DCDC1: variants seen among roughly 807,000 people sequenced by gnomAD.
DCDC1 encodes the protein doublecortin domain-containing protein 1.
In DCDC1, 200 loss-of-function variants were observed where a neutral mutation model predicts 178.3. That is an observed-to-expected ratio of 1.12 (90% CI 1.00 to 1.26). The LOEUF (loss-of-function observed/expected upper bound fraction) is 1.26. Among genes scored for constraint, DCDC1 ranks in the 50% most tolerant of loss-of-function variants. The probability of loss-of-function intolerance (pLI) is 0.00; values close to 1 mark genes in which losing one functional copy is unlikely to be tolerated. For synonymous variants in DCDC1, 690 were observed against 604.8 expected (o/e 1.14, Z -2.07); for missense variants, 1,983 against 1,749.2 (o/e 1.13, Z -2.38).
At chr11:31,346,852 G>C (rs1381492811) in intron 1 of DCDC1, among the ~76,000 whole-genome samples, 4 of 152,098 alleles carry the variant, frequency 2.6e-5, no homozygotes, top group Non-Finnish European at 4.4e-5. Context: ...TTTTCCTCTT[G>C]TATGTGTTTG....
Position 31,064,464 on chromosome 11 carries a change from C to T in DCDC1, c.2591+5G>A. The T allele has an allele frequency of 1.3e-6, 1 of 763,804 alleles. No individual in the cohort carries two copies. Among genetic ancestry groups the T allele is most frequent in the Non-Finnish European group, 2.4e-6 (1 of 416,364 alleles). The allele number at this position is 763,804 out of a possible 1,614,324, so 47.3% of individuals were successfully genotyped here. Reference sequence around the variant, plus strand: ...CAATAAAGCTCAGTTCTGTCAGTACCCTACCTCTGAGCAGAAGCCTTAGGA... The same window carrying T: ...CAATAAAGCTCAGTTCTGTCAGTACTCTACCTCTGAGCAGAAGCCTTAGGA... On this transcript the variant is annotated splice_donor_5th_base_variant and intron_variant, in intron 20 of 38. Transcript: ENST00000684477.
intron 9 of DCDC1, among the ~76,000 whole-genome samples, chr11:31,152,227 CTT>C (rs1028970487): frequency 2.0e-5 from 3 of 152,304 alleles, no homozygotes; most frequent in Non-Finnish European, 4.4e-5. Flanking sequence ...AGCACACTGT[CTT>C]TTTATTTTCG....
intron 20 of DCDC1, among the ~76,000 whole-genome samples, chr11:31,013,420 G>A (rs1952289595): frequency 6.6e-6 from 1 of 152,222 alleles, no homozygotes; most frequent in Non-Finnish European, 1.5e-5. Context: ...AACGCAACAT[G>A]TCTACACATG....
intron 9 of DCDC1, among the ~76,000 whole-genome samples, chr11:31,169,415 A>G (rs1966934339): frequency 6.6e-6 from 1 of 152,216 alleles, no homozygotes; most frequent in African/African-American, 2.4e-5. Flanking sequence ...GGGGATATAG[A>G]TTCAGATTAG....
rs1450881385 is a variant in DCDC1 at position 30,865,340 on chromosome 11, G to A, written c.*41-8C>T. 1 of 152,116 alleles carries A rather than the reference G, an allele frequency of 6.6e-6. No individual in the cohort carries two copies. The highest frequency in any genetic ancestry group is 1.5e-5 in the Non-Finnish European group (1 of 68,018). The allele number at this position is 152,116 out of a possible 1,614,324, so 9.4% of individuals were successfully genotyped here. On this transcript the variant is annotated splice_polypyrimidine_tract_variant and splice_region_variant and intron_variant, in intron 38 of 38. Coordinates refer to ENST00000684477, the MANE Select transcript of DCDC1 (RefSeq NM_001387274.1). ...TAAAGAAAGTTTTCTTTCCTGTAAG[G>A]TAGAGAGAGAAACAAATCTATATAT... is the stretch of plus-strand genomic sequence containing the variant.
chr11:31,056,847 C>T (rs1003357374), intron 20 of DCDC1, among the ~76,000 whole-genome samples: 3 of 152,092 alleles, frequency 2.0e-5, no homozygotes, highest in Admixed American at 2.0e-4. Context: ...CAGAACACTG[C>T]ACCCCCAAAC....
chr11:31,131,261 G>A (rs1962401320), intron 10 of DCDC1, among the ~76,000 whole-genome samples: 1 of 151,852 alleles, frequency 6.6e-6, no homozygotes, highest in Non-Finnish European at 1.5e-5. Flanking sequence ...ATTAAAGGGA[G>A]AAGGTGATTG....
chr11:31,305,544 T>A, intron 6 of DCDC1, 71 bp downstream of exon 6: 1 of 1,533,062 alleles, frequency 6.5e-7, no homozygotes, highest in Non-Finnish European at 8.8e-7. Flanking sequence ...AGGATGAAAA[T>A]CATTTTTTAA....
chr11:31,302,323 T>G (rs1180616360), intron 6 of DCDC1, among the ~76,000 whole-genome samples: 1 of 152,190 alleles, frequency 6.6e-6, no homozygotes, highest in Non-Finnish European at 1.5e-5. Flanking sequence ...GAATTTTCAC[T>G]GTGTCACAAT....
intron 27 of DCDC1, 40 bp from the exon 28 acceptor site, chr11:30,911,460 A>C: frequency 6.7e-7 from 1 of 1,494,416 alleles, no homozygotes; most frequent in Admixed American, 1.9e-5. Context: ...AAGTAGCATG[A>C]CCAGATTAGA....
intron 25 of DCDC1, 96 bp from the exon 26 acceptor site, chr11:30,917,124 G>A: frequency 8.3e-7 from 1 of 1,204,792 alleles, no homozygotes; most frequent in Non-Finnish European, 1.1e-6. Context: ...TCCACAGGAT[G>A]TTGGTGGATC....
At chr11:31,343,166 G>A (rs1006857503) in intron 1 of DCDC1, among the ~76,000 whole-genome samples, 1 of 152,094 alleles carries the variant, frequency 6.6e-6, no homozygotes, top group African/African-American at 2.4e-5. Context: ...TAGCTACTTG[G>A]TAGACTGAGG....
intron 10 of DCDC1, among the ~76,000 whole-genome samples, chr11:31,130,362 G>A (rs879265167): frequency 1.3e-5 from 2 of 152,196 alleles, no homozygotes; most frequent in Middle Eastern, 3.4e-3. Flanking sequence ...AGTGAAATAC[G>A]AACAGAAGTA....
At chr11:31,113,152 A>G (rs1421519254) in intron 11 of DCDC1, among the ~76,000 whole-genome samples, 1 of 152,208 alleles carries the variant, frequency 6.6e-6, no homozygotes, top group Admixed American at 6.5e-5. Context: ...TACACAGATT[A>G]AAAAAGCTGA....
chr11:31,208,799 T>C (rs763346464), intron 9 of DCDC1, among the ~76,000 whole-genome samples: 11 of 152,142 alleles, frequency 7.2e-5, no homozygotes, highest in Non-Finnish European at 1.6e-4. Context: ...CACAATAGGT[T>C]CACATGTCTG....
At chr11:30,921,005 C>T in intron 24 of DCDC1, 70 bp from the exon 25 acceptor site, 1 of 1,478,142 alleles carries the variant, frequency 6.8e-7, no homozygotes, top group Non-Finnish European at 9.1e-7. Context: ...TTTAAAAACA[C>T]ACACTAAAAT....
In DCDC1 at chr11:30,905,122, A is replaced by C. The variant is rs148521043; in HGVS notation, c.4147T>G (p.Tyr1383Asp). 89 of 1,611,430 alleles carry C rather than the reference A, an allele frequency of 5.5e-5. No individual in the cohort carries two copies. Among genetic ancestry groups the C allele is most frequent in the Middle Eastern group, 3.3e-4 (2 of 6,084 alleles). Reference sequence around the variant, plus strand: ...CGTAAAGACAATAGACGTGCTTGGTAGTAACTTAGAGTTTTTTCAGCCTTG... The same window carrying C: ...CGTAAAGACAATAGACGTGCTTGGTCGTAACTTAGAGTTTTTTCAGCCTTG... ...CDKAEKTLSY[Y>D]QARLLSLRMK... The change falls in exon 31 of 39, where the codon TAC becomes GAC. Residue 1383 changes from tyrosine (Y) to aspartate (D), a missense_variant. Coordinates refer to ENST00000684477, the MANE Select transcript of DCDC1 (RefSeq NM_001387274.1).
chr11:31,082,381 C>A (rs961624116), intron 17 of DCDC1, among the ~76,000 whole-genome samples: 6 of 152,070 alleles, frequency 3.9e-5, no homozygotes, highest in Non-Finnish European at 7.4e-5. Context: ...AGCAGGCATT[C>A]TTCAGATCCT....
intron 20 of DCDC1, among the ~76,000 whole-genome samples, chr11:30,963,110 C>T (rs1400745831): frequency 6.6e-6 from 1 of 152,070 alleles, no homozygotes; most frequent in African/African-American, 2.4e-5. Flanking sequence ...TAAATGAAAG[C>T]AAGATAAATG....
Sources: allele counts gnomAD v4.1 joint callset (sites outside exome capture counted in the v4.1 genomes callset), GRCh38; gene constraint gnomAD v4.1.1; transcripts MANE v1.5; gene names NCBI Gene and HGNC (gene_info 2026-07-23, HGNC 2026-07-21).